GRIA4: variants seen among roughly 807,000 people sequenced by gnomAD.
GRIA4 encodes glutamate ionotropic receptor AMPA type subunit 4.
A neutral mutation model predicts 104.0 loss-of-function variants in GRIA4; 34 were observed. That is an observed-to-expected ratio of 0.33 (90% CI 0.25 to 0.44). The LOEUF (loss-of-function observed/expected upper bound fraction) is 0.44. Ranked by LOEUF, GRIA4 falls within the 20% of genes least tolerant of loss-of-function variation. GRIA4 has a pLI of 1.00. For synonymous variants in GRIA4, 386 were observed against 381.9 expected (o/e 1.01, Z -0.13); for missense variants, 750 against 1,096.5 (o/e 0.68, Z 4.46).
At position 105,864,085 on chromosome 11, in the gene GRIA4, C is replaced by A. The variant is rs57171793; in HGVS notation, c.672+1877C>A. Among the ~76,000 whole-genome samples, 314 of 152,226 alleles carry A rather than the reference C, an allele frequency of 2.1e-3. 2 individuals carry two copies. The highest frequency in any genetic ancestry group is 7.1e-3 in the African/African-American group (297 of 41,544). On this transcript the variant is annotated intron_variant, in intron 5 of 16. Transcript: ENST00000282499. ...AATAATAATAATAATAGTAAGAGAA[C>A]TTTGTCCATTTAAAATGCCTCTCAG...
At chr11:105,938,506 C>T (rs1300213243) in intron 14 of GRIA4, among the ~76,000 whole-genome samples, 2 of 152,152 alleles carry the variant, frequency 1.3e-5, no homozygotes, top group Non-Finnish European at 2.9e-5. Context: ...TGGGTTGGTA[C>T]ACAAACACAT....
At position 105,933,998 on chromosome 11, in the gene GRIA4, T is replaced by A. The variant is rs199651026; in HGVS notation, c.2294+29T>A. The A allele has an allele frequency of 2.2e-5, 34 of 1,570,902 alleles. No homozygotes were observed. In the East Asian group the frequency reaches 7.6e-4, roughly 35 times the overall value. ...GGTGGAATAGTATAACAATATAACA[T>A]GTGTTGTTATAGTATTCCACCTTCC... On this transcript the variant is annotated intron_variant, in intron 14 of 16. Coordinates refer to ENST00000282499, the MANE Select transcript of GRIA4 (RefSeq NM_000829.4).
At chr11:105,669,884 G>C (rs1952304716) in intron 3 of GRIA4, among the ~76,000 whole-genome samples, 1 of 152,068 alleles carries the variant, frequency 6.6e-6, no homozygotes, top group Admixed American at 6.6e-5. Context: ...GCAGGCTGCT[G>C]ATCCCGGATG....
At chr11:105,959,817 T>C (rs1948689105) in intron 14 of GRIA4, among the ~76,000 whole-genome samples, 1 of 152,224 alleles carries the variant, frequency 6.6e-6, no homozygotes, top group East Asian at 1.9e-4. Context: ...TTGTTGCTGA[T>C]GCGGTTGTTG....
chr11:105,957,426 T>A (rs1465065082), intron 14 of GRIA4, among the ~76,000 whole-genome samples: 3 of 152,194 alleles, frequency 2.0e-5, no homozygotes, highest in African/African-American at 7.2e-5. Flanking sequence ...GTTGTAGATA[T>A]GCGGCATTAT....
intron 3 of GRIA4, among the ~76,000 whole-genome samples, chr11:105,705,480 A>T (rs994108311): frequency 2.0e-5 from 3 of 152,206 alleles, no homozygotes; most frequent in Non-Finnish European, 4.4e-5. Context: ...GACAATTGAT[A>T]AACTGGGAGA....
At chr11:105,700,111 A>T (rs889178844) in intron 3 of GRIA4, among the ~76,000 whole-genome samples, 1 of 152,202 alleles carries the variant, frequency 6.6e-6, no homozygotes, top group Non-Finnish European at 1.5e-5. Context: ...TTATTATATG[A>T]CACTGGTAAT....
chr11:105,955,001 A>G (rs1334904811), intron 14 of GRIA4, among the ~76,000 whole-genome samples: 1 of 151,078 alleles, frequency 6.6e-6, no homozygotes, highest in African/African-American at 2.4e-5. Flanking sequence ...GAGATTTATC[A>G]TAAGTCATTT....
intron 4 of GRIA4, among the ~76,000 whole-genome samples, chr11:105,794,512 T>TATATATACAC (rs1313325715): frequency 7.5e-5 from 8 of 106,894 alleles, no homozygotes; most frequent in Non-Finnish European, 1.2e-4. Flanking sequence ...TATATATATA[T>TATATATACAC]ACATATACAC....
intron 14 of GRIA4, among the ~76,000 whole-genome samples, chr11:105,951,827 GTGCACT>G (rs1229303965): frequency 6.6e-5 from 10 of 152,086 alleles, no homozygotes; most frequent in Admixed American, 2.0e-4. Context: ...GTATGGTGGT[GTGCACT>G]TGCAGTCAAT....
At chr11:105,652,020 T>A (rs1374874491) in intron 3 of GRIA4, among the ~76,000 whole-genome samples, 1 of 152,172 alleles carries the variant, frequency 6.6e-6, no homozygotes, top group East Asian at 1.9e-4. Context: ...AACTTTCTGA[T>A]ATTTTACACT....
chr11:105,929,200 G>T (rs1947803566), intron 13 of GRIA4, among the ~76,000 whole-genome samples: 1 of 151,900 alleles, frequency 6.6e-6, no homozygotes, highest in Admixed American at 6.6e-5. Context: ...TTGTCTGATG[G>T]GCTGAGGAAA....
At chr11:105,798,460 G>A (rs1942581934) in intron 4 of GRIA4, among the ~76,000 whole-genome samples, 2 of 152,062 alleles carry the variant, frequency 1.3e-5, no homozygotes, top group Non-Finnish European at 2.9e-5. Flanking sequence ...AAGATAAAAA[G>A]AGGAGAAAAG....
intron 3 of GRIA4, among the ~76,000 whole-genome samples, chr11:105,616,616 C>G (rs1455399512): frequency 1.3e-5 from 2 of 151,572 alleles, no homozygotes; most frequent in Non-Finnish European, 3.0e-5. Context: ...TTTCCAGGAT[C>G]ATGAAGCCCT....
intron 8 of GRIA4, 139 bp from the exon 9 acceptor site, chr11:105,905,058 A>C: frequency 1.7e-6 from 1 of 594,470 alleles, no homozygotes; most frequent in East Asian, 2.8e-5. Context: ...CCAATAGCTC[A>C]AATACCTAAT....
chr11:105,689,374 G>A (rs1953006450), intron 3 of GRIA4, among the ~76,000 whole-genome samples: 1 of 152,182 alleles, frequency 6.6e-6, no homozygotes, highest in Non-Finnish European at 1.5e-5. Flanking sequence ...TTGTGCCTTA[G>A]TGAAATGCAA....
At chr11:105,635,932 A>G (rs559110991) in intron 3 of GRIA4, among the ~76,000 whole-genome samples, 12 of 152,252 alleles carry the variant, frequency 7.9e-5, no homozygotes, top group Non-Finnish European at 1.6e-4. Flanking sequence ...TAATCTCTGT[A>G]GCACTGATAA....
rs117531523 is a variant in GRIA4 at position 105,622,542 on chromosome 11, C to T, written c.247+10108C>T. Reference sequence around the variant, plus strand: ...CCCCTTTCTGATAGTCTTGCTTCTTCTATTATTTCCTTTTTTTTTCTTTCT... The same window carrying T: ...CCCCTTTCTGATAGTCTTGCTTCTTTTATTATTTCCTTTTTTTTTCTTTCT... On this transcript the variant is annotated intron_variant, in intron 3 of 16. Transcript: ENST00000282499. Among the ~76,000 whole-genome samples the T allele has an allele frequency of 2.9e-3, 434 of 151,820 alleles. 5 individuals carry two copies. In the East Asian group the frequency reaches 0.042, roughly 15 times the overall value.
intron 3 of GRIA4, among the ~76,000 whole-genome samples, chr11:105,638,157 T>C (rs1271766645): frequency 1.3e-5 from 2 of 152,140 alleles, no homozygotes; most frequent in African/African-American, 4.8e-5. Flanking sequence ...AATGCGATTA[T>C]GAAAAACTTC....
Sources: gnomAD v4.1 joint callset for allele counts (sites outside exome capture counted in the v4.1 genomes callset) on GRCh38, gnomAD v4.1.1 for gene constraint, MANE v1.5 for transcripts, NCBI Gene and HGNC (gene_info 2026-07-23, HGNC 2026-07-21) for gene names.